The following ASS1 variants were observed in gnomAD, a reference collection of about 807,000 sequenced individuals.
ASS1 encodes argininosuccinate synthase 1, also known as argininosuccinate synthase.
In ASS1, 58 loss-of-function variants were observed where a neutral mutation model predicts 60.5. The ratio of observed to expected loss-of-function variants is 0.96; its 90% CI spans 0.78 to 1.19. The LOEUF is 1.19. Among genes scored for constraint, ASS1 ranks in the 50% most tolerant of loss-of-function variants. ASS1 has a pLI of 0.00. For synonymous variants in ASS1, 200 were observed against 206.9 expected (o/e 0.97, Z 0.29); for missense variants, 454 against 547.3 (o/e 0.83, Z 1.70).
At position 130,454,408 on chromosome 9, in the gene ASS1, T is replaced by G. The variant is rs1408440077; in HGVS notation, c.174+35T>G. 1.9e-6 allele frequency: 3 copies of G among 1,602,694 alleles called. No individual in the cohort carries two copies. The African/African-American group carries it at 4.0e-5, about 21-fold the overall frequency. ...GGGAGGCAGGGATTTGGGCTGGGAGTGGGGCGGTGATGTGGAGGGCAGTGG... is the reference window on the plus strand; with the variant it reads ...GGGAGGCAGGGATTTGGGCTGGGAGGGGGGCGGTGATGTGGAGGGCAGTGG... On this transcript the variant is annotated intron_variant, in intron 3 of 14. Transcript: ENST00000352480.
At chr9:130,486,015 C>G (rs947255038) in intron 11 of ASS1, among the ~76,000 whole-genome samples, 44 of 152,152 alleles carry the variant, frequency 2.9e-4, no homozygotes, top group Non-Finnish European at 7.3e-5. Context: ...CAGACAGGGT[C>G]TTGTTCTGTC....
chr9:130,476,627 G>A lies in ASS1; in HGVS notation c.598-244G>A, dbSNP rs1396028273. 12 of 587,854 alleles carry A rather than the reference G, an allele frequency of 2.0e-5. No individual in the cohort carries two copies. Among genetic ancestry groups the A allele is most frequent in the Admixed American group, 1.8e-4 (6 of 33,984 alleles). 36.4% of individuals were successfully genotyped at this position (587,854 alleles called of 1,614,324 possible). A position where few individuals can be genotyped will look rare whatever the true frequency, so the allele number is the denominator to read the frequency against. On this transcript the variant is annotated intron_variant, in intron 8 of 14. Coordinates refer to ENST00000352480, the MANE Select transcript of ASS1 (RefSeq NM_054012.4). This position sits in a 1 kb window ranked among gnomAD's most constrained non-coding sequence, Gnocchi z 4.9. Reference sequence around the variant, plus strand: ...TTCTACCTCCAGCTGTGGGGGCGTCGAAGAAAAAGATGAGATCAAGTTGAG... The same window carrying A: ...TTCTACCTCCAGCTGTGGGGGCGTCAAAGAAAAAGATGAGATCAAGTTGAG...
chr9:130,450,576 C>T (rs1320956866), intron 1 of ASS1, among the ~76,000 whole-genome samples: 1 of 152,220 alleles, frequency 6.6e-6, no homozygotes, highest in Non-Finnish European at 1.5e-5. Flanking sequence ...CCTTCTAAGT[C>T]CAAAGGGCAG....
At chr9:130,466,017 G>A (rs544740331) in intron 5 of ASS1, among the ~76,000 whole-genome samples, 28 of 152,332 alleles carry the variant, frequency 1.8e-4, no homozygotes, top group African/African-American at 6.7e-4. Context: ...TCCCATGGCT[G>A]CTCTGAGGGG....
At chr9:130,463,244 C>T (rs547725897) in intron 4 of ASS1, among the ~76,000 whole-genome samples, 111 of 152,350 alleles carry the variant, frequency 7.3e-4, no homozygotes, top group African/African-American at 2.3e-3. Context: ...CTGCCGAGCC[C>T]ACGGGGAAGC....
At chr9:130,474,075 C>G (rs1051233294) in intron 8 of ASS1, among the ~76,000 whole-genome samples, 3 of 101,172 alleles carry the variant, frequency 3.0e-5, no homozygotes, top group Non-Finnish European at 4.3e-5. Context: ...CCCCCCCCCC[C>G]ACAGATGACA....
intron 14 of ASS1, among the ~76,000 whole-genome samples, chr9:130,500,383 G>T (rs943085594): frequency 1.3e-4 from 20 of 152,202 alleles, no homozygotes; most frequent in Non-Finnish European, 2.4e-4. Flanking sequence ...AGGTGGTGGA[G>T]CTGAGTCCGG....
intron 4 of ASS1, among the ~76,000 whole-genome samples, 171 bp from the exon 5 acceptor site, chr9:130,463,940 T>G (rs981245819): frequency 6.6e-5 from 10 of 151,988 alleles, no homozygotes; most frequent in African/African-American, 2.4e-4. Flanking sequence ...CGTGCACATC[T>G]CCCTCCTGCC....
Position 130,477,395 on chromosome 9 carries a change from G to A in ASS1, c.688+434G>A, listed in dbSNP as rs180769793. Among the ~76,000 whole-genome samples the A allele has an allele frequency of 3.9e-5, 6 of 152,312 alleles. No individual in the cohort carries two copies. The East Asian group carries it at 7.7e-4, about 20-fold the overall frequency. ...TGCTCAGTAAACGGTGAGTGTTGGC[G>A]AGCTGGCCTCATGGACCCCTGGGAC... On this transcript the variant is annotated intron_variant, in intron 9 of 14. Transcript: ENST00000352480. This position sits in a 1 kb window ranked among gnomAD's most constrained non-coding sequence, Gnocchi z 4.2.
At chr9:130,480,148 G>A (rs1588496029) in intron 10 of ASS1, among the ~76,000 whole-genome samples, 1 of 152,240 alleles carries the variant, frequency 6.6e-6, no homozygotes. Flanking sequence ...GGGAACGGAA[G>A]GAACAATGTG....
At chr9:130,481,182 C>T (rs1846164764) in intron 11 of ASS1, among the ~76,000 whole-genome samples, 1 of 152,206 alleles carries the variant, frequency 6.6e-6, no homozygotes, top group Non-Finnish European at 1.5e-5. Context: ...TTGACCACAA[C>T]CCTCCTCTCC....
At chr9:130,486,411 C>T (rs555052942) in intron 11 of ASS1, among the ~76,000 whole-genome samples, 1 of 152,252 alleles carries the variant, frequency 6.6e-6, no homozygotes, top group South Asian at 2.1e-4. Flanking sequence ...GTTCTATGTC[C>T]CTGTTCTCCA....
chr9:130,447,321 T>C (rs867233935), intron 1 of ASS1, among the ~76,000 whole-genome samples: 1 of 152,202 alleles, frequency 6.6e-6, no homozygotes, highest in African/African-American at 2.4e-5. Context: ...CCTCCTCCTT[T>C]GTAAATAGGT....
At chr9:130,480,600 T>A in intron 11 of ASS1, 151 bp downstream of exon 11, 1 of 815,058 alleles carries the variant, frequency 1.2e-6, no homozygotes, top group Non-Finnish European at 2.0e-6. Context: ...GACCGCAGTT[T>A]CCCTCCTGCC....
intron 8 of ASS1, among the ~76,000 whole-genome samples, chr9:130,475,648 T>G (rs1004000296): frequency 6.6e-6 from 1 of 152,082 alleles, no homozygotes; most frequent in Non-Finnish European, 1.5e-5. Flanking sequence ...TCTTCATCTG[T>G]TGATGGGGTA....
rs376165495 is a variant in ASS1, at chr9:130,445,807, G to C, written c.-6+812G>C. 3.3e-5 allele frequency among the ~76,000 whole-genome samples: 5 copies of C among 152,276 alleles called. 1 individual carries two copies. Among genetic ancestry groups the C allele is most frequent in the East Asian group, 3.9e-4 (2 of 5,166 alleles). ...TGGCCTGGCCTCAGTATTCTTCTCT[G>C]AGAAGTGGAGAGTCCACTCCCGAGC... On this transcript the variant is annotated intron_variant, in intron 1 of 14. Coordinates refer to ENST00000352480, the MANE Select transcript of ASS1 (RefSeq NM_054012.4).
At position 130,476,007 on chromosome 9, in the gene ASS1, C is replaced by T. The variant is rs1019708728; in HGVS notation, c.598-864C>T. 6.6e-6 allele frequency among the ~76,000 whole-genome samples: 1 copy of T among 152,174 alleles called. No individual in the cohort carries two copies. Among genetic ancestry groups the T allele is most frequent in the Non-Finnish European group, 1.5e-5 (1 of 68,036 alleles). Reference sequence around the variant, plus strand: ...CTCCTGAGCTCAGGCAGTCCACCCACCTCAGCCTCCCAAAGTGCTAGGATT... The same window carrying T: ...CTCCTGAGCTCAGGCAGTCCACCCATCTCAGCCTCCCAAAGTGCTAGGATT... On this transcript the variant is annotated intron_variant, in intron 8 of 14. Transcript: ENST00000352480. The surrounding 1 kb of genome is among the most constrained non-coding windows in gnomAD (Gnocchi z 4.9).
rs184577670 is a variant in ASS1, at chr9:130,482,343, C to T, written c.838+1894C>T. On this transcript the variant is annotated intron_variant, in intron 11 of 14. Transcript: ENST00000352480. ...AGTGTGGCGGGGGGTGGGGTGGGTT[C>T]CAGTATTGCACCTGTCTTATCATAA... 1.8e-3 allele frequency among the ~76,000 whole-genome samples: 278 copies of T among 151,048 alleles called. 9 individuals carry two copies. The East Asian group carries it at 0.047, about 26-fold the overall frequency.
In ASS1 at chr9:130,488,169, A is replaced by T. The variant is rs1846354086; in HGVS notation, c.839-1164A>T. On this transcript the variant is annotated intron_variant, in intron 11 of 14. Coordinates refer to ENST00000352480, the MANE Select transcript of ASS1 (RefSeq NM_054012.4). The surrounding 1 kb of genome is among the most constrained non-coding windows in gnomAD (Gnocchi z 5.2). Reference sequence around the variant, plus strand: ...TTGCTTCCGCCTCTTGGCTATTGTGATTAATGCTGCTATGAACATGAGTGT... The same window carrying T: ...TTGCTTCCGCCTCTTGGCTATTGTGTTTAATGCTGCTATGAACATGAGTGT... Among the ~76,000 whole-genome samples, 1 of 149,372 alleles carries T rather than the reference A, an allele frequency of 6.7e-6. No homozygotes were observed. The highest frequency in any genetic ancestry group is 6.7e-5 in the Admixed American group (1 of 14,996).
Sources: gnomAD v4.1 joint callset for allele counts (sites outside exome capture counted in the v4.1 genomes callset) on GRCh38, gnomAD v4.1.1 for gene constraint, Gnocchi (gnomAD v3.1) non-coding constraint, MANE v1.5 for transcripts, NCBI Gene and HGNC (gene_info 2026-07-23, HGNC 2026-07-21) for gene names.